The following SOCS6 variants were observed in gnomAD, a reference collection of about 807,000 sequenced individuals.
The protein encoded by SOCS6 is suppressor of cytokine signaling 6, also known as STAT induced STAT inhibitor-4.
In SOCS6, 5 loss-of-function variants were observed where a neutral mutation model predicts 27.7. That is an observed-to-expected ratio of 0.18 (90% CI 0.09 to 0.38). The LOEUF (loss-of-function observed/expected upper bound fraction) is 0.38. Among genes scored for constraint, SOCS6 ranks in the 10% least tolerant of loss-of-function variants. The probability of loss-of-function intolerance (pLI) is 1.00; values close to 1 mark genes in which losing one functional copy is unlikely to be tolerated. For synonymous variants in SOCS6, 271 were observed against 260.0 expected (o/e 1.04, Z -0.41); for missense variants, 595 against 688.1 (o/e 0.86, Z 1.51).
At chr18:70,291,573 A>G (rs1449499264) in intron 1 of SOCS6, among the ~76,000 whole-genome samples, 1 of 152,176 alleles carries the variant, frequency 6.6e-6, no homozygotes, top group East Asian at 1.9e-4. Flanking sequence ...ATGGTCCCCA[A>G]TTTTGGACTT....
At chr18:70,315,086 A>T (rs1481733478) in intron 1 of SOCS6, among the ~76,000 whole-genome samples, 2 of 152,074 alleles carry the variant, frequency 1.3e-5, no homozygotes, top group East Asian at 1.9e-4. Flanking sequence ...TTTTCTCCCT[A>T]CCACTCCCAA....
In SOCS6 at chr18:70,327,810, A is replaced by T. The variant is rs955934727; in HGVS notation, c.*1534A>T. On this transcript the variant is annotated 3_prime_UTR_variant, in exon 2 of 2. Transcript: ENST00000397942. ...CTTCCTTTGTCACTTAAAGGAAGAG[A>T]TAGGAAAAGTCTCTTACCCACTTTA... The T allele has an allele frequency of 2.4e-5, 4 of 166,750 alleles. No homozygotes were observed. Among genetic ancestry groups the T allele is most frequent in the Non-Finnish European group, 5.9e-5 (4 of 68,082 alleles). 10.3% of individuals were successfully genotyped at this position (166,750 alleles called of 1,614,324 possible).
chr18:70,295,426 G>T (rs998158458), intron 1 of SOCS6, among the ~76,000 whole-genome samples: 24 of 152,174 alleles, frequency 1.6e-4, no homozygotes, highest in African/African-American at 5.5e-4. Flanking sequence ...AAAGTCAGAT[G>T]AATTCTTACT....
At chr18:70,296,903 TTTC>T (rs2146262348) in intron 1 of SOCS6, among the ~76,000 whole-genome samples, 1 of 90,820 alleles carries the variant, frequency 1.1e-5, no homozygotes, top group Admixed American at 1.4e-4. Context: ...TCTCATTTTC[TTTC>T]TTTTTTTTTT....
intron 1 of SOCS6, among the ~76,000 whole-genome samples, chr18:70,292,891 TG>T (rs1401219619): frequency 6.6e-6 from 1 of 152,230 alleles, no homozygotes; most frequent in African/African-American, 2.4e-5. Flanking sequence ...TTAATGCCAG[TG>T]GCACCACCTC....
chr18:70,302,626 G>A (rs933388828), intron 1 of SOCS6, among the ~76,000 whole-genome samples: 2 of 152,240 alleles, frequency 1.3e-5, no homozygotes, highest in Admixed American at 6.5e-5. Context: ...TATACACAAG[G>A]AAATGATTAC....
chr18:70,306,631 G>C (rs1326379517), intron 1 of SOCS6, among the ~76,000 whole-genome samples: 1 of 152,052 alleles, frequency 6.6e-6, no homozygotes, highest in Non-Finnish European at 1.5e-5. Context: ...AGTAGAGGGG[G>C]TGAGCGCAAA....
rs72634415 is a variant in SOCS6, at chr18:70,314,861, G to A, written c.-126-9682G>A. 0.011 allele frequency among the ~76,000 whole-genome samples: 330 copies of A among 30,538 alleles called. No homozygotes were observed. The East Asian group carries it at 0.25, about 23-fold the overall frequency. 20.0% of individuals were successfully genotyped at this position (30,538 alleles called of 152,430 possible). The stretch of plus-strand genomic sequence containing the variant: ...ATTTCTTCATTACAGCTCTGATTTT[G>A]TGTGTATATATATATATATATATAT... On this transcript the variant is annotated intron_variant, in intron 1 of 1. Coordinates refer to ENST00000397942, the MANE Select transcript of SOCS6 (RefSeq NM_004232.4).
intron 1 of SOCS6, among the ~76,000 whole-genome samples, chr18:70,319,429 G>C (rs1484979498): frequency 6.6e-6 from 1 of 152,072 alleles, no homozygotes; most frequent in East Asian, 1.9e-4. Context: ...GCTCTGGTCT[G>C]TGGATCCTCT....
chr18:70,290,836 C>G (rs1375462623), intron 1 of SOCS6, among the ~76,000 whole-genome samples: 1 of 152,178 alleles, frequency 6.6e-6, no homozygotes, highest in Admixed American at 6.5e-5. Context: ...CTAAATTACC[C>G]TCTAAATTGG....
chr18:70,290,058 G>C (rs2062292038), intron 1 of SOCS6, among the ~76,000 whole-genome samples: 1 of 152,088 alleles, frequency 6.6e-6, no homozygotes, highest in South Asian at 2.1e-4. Context: ...TCAGTCTTCC[G>C]GTAGCAAAAT....
At chr18:70,296,920 T>G (rs2062326134) in intron 1 of SOCS6, among the ~76,000 whole-genome samples, 1 of 150,060 alleles carries the variant, frequency 6.7e-6, no homozygotes, top group African/African-American at 2.4e-5. Context: ...TTTTTTTTTC[T>G]GTCTTAAGCT....
chr18:70,314,392 A>T (rs993949770), intron 1 of SOCS6, among the ~76,000 whole-genome samples: 2 of 152,200 alleles, frequency 1.3e-5, no homozygotes, highest in African/African-American at 2.4e-5. Flanking sequence ...GTCTATGATG[A>T]ACCGAGTGTG....
chr18:70,310,283 T>G (rs1439989088), intron 1 of SOCS6, among the ~76,000 whole-genome samples: 1 of 150,770 alleles, frequency 6.6e-6, no homozygotes, highest in East Asian at 2.0e-4. Flanking sequence ...ATAAATGGTT[T>G]TTTTTTTTTT....
chr18:70,302,937 A>G (rs764753324), intron 1 of SOCS6, among the ~76,000 whole-genome samples: 12 of 152,214 alleles, frequency 7.9e-5, no homozygotes, highest in Non-Finnish European at 1.8e-4. Flanking sequence ...CAGTCATGGT[A>G]TAACTGAAAG....
Position 70,325,433 on chromosome 18 carries a change from T to C in SOCS6, c.765T>C (p.Pro255=), listed in dbSNP as rs1004216571. The C allele has an allele frequency of 6.2e-7, 1 of 1,614,044 alleles. No individual in the cohort carries two copies. The highest frequency in any genetic ancestry group is 1.3e-5 in the African/African-American group (1 of 74,930). Reference sequence around the variant, plus strand: ...CCATGGAAGTCTCTGCGGTTCCTCCTCAAGTGGGAGGGCGCGCTTTCCCCG... The same window carrying C: ...CCATGGAAGTCTCTGCGGTTCCTCCCCAAGTGGGAGGGCGCGCTTTCCCCG... ...SSPMEVSAVP[P]QVGGRAFPED... is the part of the protein sequence containing the mutation. Residue 255 remains proline (P), a synonymous_variant, in exon 2 of 2, where the codon CCT becomes CCC. Coordinates refer to ENST00000397942, the MANE Select transcript of SOCS6 (RefSeq NM_004232.4). This position sits in a 1 kb window ranked among gnomAD's most constrained non-coding sequence, Gnocchi z 6.3.
intron 1 of SOCS6, among the ~76,000 whole-genome samples, chr18:70,289,589 CG>C (rs1382019246): frequency 1.6e-5 from 2 of 126,736 alleles, no homozygotes; most frequent in African/African-American, 2.7e-5. Flanking sequence ...CGGACCTCCG[CG>C]GGCTCGGGCT....
chr18:70,304,191 TA>T (rs2146271266), intron 1 of SOCS6, among the ~76,000 whole-genome samples: 1 of 151,982 alleles, frequency 6.6e-6, no homozygotes, highest in South Asian at 2.1e-4. Context: ...CCTCAGGTAC[TA>T]GAAAAAGAAT....
In SOCS6 at chr18:70,326,096, G is replaced by C. The variant is rs150117267; in HGVS notation, c.1428G>C (p.Arg476=). The change falls in exon 2 of 2, where the codon CGG becomes CGC. Residue 476 remains arginine, a synonymous_variant. Transcript: ENST00000397942. The stretch of plus-strand genomic sequence containing the variant: ...GAGCTTTTTGTTATTCAAGGTCTCG[G>C]CTGCCTGGATCTGCAACTTACCCCG... ...ENGAFCYSRS[R]LPGSATYPVR... 184 of 1,614,066 alleles carry C rather than the reference G, an allele frequency of 1.1e-4. No homozygotes were observed. Among genetic ancestry groups the C allele is most frequent in the Non-Finnish European group, 1.4e-4 (170 of 1,180,038 alleles).
Sources: allele counts gnomAD v4.1 joint callset (sites outside exome capture counted in the v4.1 genomes callset), GRCh38; gene constraint gnomAD v4.1.1; non-coding constraint Gnocchi (gnomAD v3.1); transcripts MANE v1.5; gene names NCBI Gene and HGNC (gene_info 2026-07-23, HGNC 2026-07-21).